Variants in ELOVL3 observed in about 807,000 individuals in gnomAD.
ELOVL3 encodes the protein ELOVL fatty acid elongase 3.
ELOVL3 carries 11 observed loss-of-function variants against 14.9 expected under a neutral mutation model. That is an observed-to-expected ratio of 0.74 (90% CI 0.46 to 1.22). ELOVL3 has a LOEUF of 1.22. Among genes scored for constraint, ELOVL3 ranks in the 50% most tolerant of loss-of-function variants. The probability of loss-of-function intolerance (pLI) is 0.00; values close to 1 mark genes in which losing one functional copy is unlikely to be tolerated. For missense variants in ELOVL3, 277 were observed against 338.9 expected (o/e 0.82, Z 1.43); for synonymous variants, 117 against 124.7 (o/e 0.94, Z 0.41).
In ELOVL3 at chr10:102,226,397, A is replaced by C; in HGVS notation, c.-152A>C. 1 of 590,234 alleles carries C rather than the reference A, an allele frequency of 1.7e-6. No homozygotes were observed. The highest frequency in any genetic ancestry group is 3.0e-6 in the Non-Finnish European group (1 of 332,160). 36.6% of individuals were successfully genotyped at this position (590,234 alleles called of 1,614,324 possible). A position where few individuals can be genotyped will look rare whatever the true frequency, so the allele number is the denominator to read the frequency against. ...GGGATAGCTGGCTGCGCCGCCGCGCACATGCCTAGGTTCGACGCCCTCCTC... is the reference window on the plus strand; with the variant it reads ...GGGATAGCTGGCTGCGCCGCCGCGCCCATGCCTAGGTTCGACGCCCTCCTC... On this transcript the variant is annotated 5_prime_UTR_variant, in exon 1 of 4. Transcript: ENST00000370005.
rs1564990112 is a variant in ELOVL3, at chr10:102,228,856, G to A, written c.417G>A (p.Arg139=). 2 of 1,613,352 alleles carry A rather than the reference G, an allele frequency of 1.2e-6. No homozygotes were observed. The highest frequency in any genetic ancestry group is 1.7e-5 in the Admixed American group (1 of 59,980). ...GDTAFIILRK[R]PLIFIHWYHH... is the part of the protein sequence containing the mutation. ...CAGCCTTCATCATCCTGCGTAAGCGGCCACTCATCTTTATTCACTGGTACC... is the reference window on the plus strand; with the variant it reads ...CAGCCTTCATCATCCTGCGTAAGCGACCACTCATCTTTATTCACTGGTACC... Residue 139 remains arginine, a synonymous_variant, in exon 4 of 4, where the codon CGG becomes CGA. Coordinates refer to ENST00000370005, the MANE Select transcript of ELOVL3 (RefSeq NM_152310.3).
At position 102,229,433 on chromosome 10, in the gene ELOVL3, T is replaced by C. The variant is rs982540840; in HGVS notation, c.*181T>C. On this transcript the variant is annotated 3_prime_UTR_variant, in exon 4 of 4. Coordinates refer to ENST00000370005, the MANE Select transcript of ELOVL3 (RefSeq NM_152310.3). ...GGGTGACCTTGGGATGGGGGTGTGG[T>C]CTGTTACTTTAATGTTTCTGTTTTT... is the stretch of plus-strand genomic sequence containing the variant. 5 of 609,414 alleles carry C rather than the reference T, an allele frequency of 8.2e-6. No individual in the cohort carries two copies. In the East Asian group the frequency reaches 1.4e-4, roughly 17 times the overall value. The allele number at this position is 609,414 out of a possible 1,614,324, so 37.8% of individuals were successfully genotyped here.
At chr10:102,225,940 G>C (rs1000237780), upstream of ELOVL3, among the ~76,000 whole-genome samples, 3 of 151,974 alleles carry the variant, frequency 2.0e-5, no homozygotes, top group Non-Finnish European at 4.4e-5. Flanking sequence ...ACAGGCCTGG[G>C]TTTCCCAGGA....
intron 1 of ELOVL3, 63 bp from the exon 2 acceptor site, chr10:102,227,563 G>A (rs2133790436): frequency 6.4e-7 from 1 of 1,559,186 alleles, no homozygotes; most frequent in Non-Finnish European, 8.7e-7. Context: ...CTGGAGAGAT[G>A]AGTGGGCATT....
rs2070136317 is a variant in ELOVL3 at position 102,226,433 on chromosome 10, G to A, written c.-116G>A. The A allele has an allele frequency of 2.9e-6, 2 of 685,668 alleles. No homozygotes were observed. The highest frequency in any genetic ancestry group is 1.8e-5 in the South Asian group (1 of 54,280). The allele number at this position is 685,668 out of a possible 1,614,324, so 42.5% of individuals were successfully genotyped here. On this transcript the variant is annotated 5_prime_UTR_variant, in exon 1 of 4. Coordinates refer to ENST00000370005, the MANE Select transcript of ELOVL3 (RefSeq NM_152310.3). ...TTCGACGCCCTCCTCCCTTTGCCCAGGAGTTCCTTCTGTCCCGGCTCTGTT... is the reference window on the plus strand; with the variant it reads ...TTCGACGCCCTCCTCCCTTTGCCCAAGAGTTCCTTCTGTCCCGGCTCTGTT...
rs758543680 is a variant in ELOVL3, at chr10:102,229,085, G to A, written c.646G>A (p.Val216Ile). 5.6e-6 allele frequency: 9 copies of A among 1,614,156 alleles called. No homozygotes were observed. The highest frequency in any genetic ancestry group is 2.2e-5 in the East Asian group (1 of 44,886). The change falls in exon 4 of 4, where the codon GTC becomes ATC. Residue 216 changes from valine to isoleucine, a missense_variant. Physicochemically the swap from Val to Ile is conservative, Grantham distance 29. Transcript: ENST00000370005. ...CTTGCAGATGTTTGTAGGAGCCATC[G>A]TCAGCATCCTCACGTACATCTGGAG... The part of the protein sequence containing the change: ...QILQMFVGAI[V>I]SILTYIWRQD...
chr10:102,226,638 CG>C lies in ELOVL3; in HGVS notation c.91del (p.Glu31ArgfsTer10), dbSNP rs1564989264. ...TGTCCAAGGACATGAGGCCCTTTTT[CG>C]AGGAGTATTGGTGAGACTTTGGGAG... Reference protein sequence around the residue: ...ELSKDMRPFFEEYWATSFPIA... With the variant: ...ELSKDMRPFFXEYWATSFPIA... On this transcript the variant is annotated frameshift_variant, in exon 1 of 4. Coordinates refer to ENST00000370005, the MANE Select transcript of ELOVL3 (RefSeq NM_152310.3). LOFTEE classifies it high-confidence loss of function. 1 of 1,613,526 alleles carries C rather than the reference CG, an allele frequency of 6.2e-7. No individual in the cohort carries two copies. The highest frequency in any genetic ancestry group is 1.3e-5 in the African/African-American group (1 of 74,882).
upstream of ELOVL3, among the ~76,000 whole-genome samples, chr10:102,225,173 A>G (rs1485773784): frequency 1.3e-5 from 2 of 152,232 alleles, no homozygotes; most frequent in East Asian, 3.8e-4. Context: ...AGAAAGAGGC[A>G]GTGCAACCAG....
intron 2 of ELOVL3, among the ~76,000 whole-genome samples, chr10:102,228,128 A>G (rs1327641770): frequency 1.3e-5 from 2 of 151,750 alleles, no homozygotes; most frequent in African/African-American, 4.8e-5. Flanking sequence ...CTATCCCTCT[A>G]CACATCTCCT....
Position 102,228,397 on chromosome 10 carries a change from C to T in ELOVL3, c.234-20C>T, listed in dbSNP as rs368687591. 1.2e-4 allele frequency: 191 copies of T among 1,611,344 alleles called. No individual in the cohort carries two copies. Among genetic ancestry groups the T allele is most frequent in the Non-Finnish European group, 1.4e-4 (167 of 1,178,208 alleles). On this transcript the variant is annotated intron_variant, in intron 2 of 3. Coordinates refer to ENST00000370005, the MANE Select transcript of ELOVL3 (RefSeq NM_152310.3). ...TGCCTGGGGATGACACTTACACCAT[C>T]TTCCTTTGTCCCATTTCAGTATCCT...
In ELOVL3 at chr10:102,227,610, G is replaced by T. The variant is rs773476724; in HGVS notation, c.102-16G>T. ...CACCCACCCATGAGCCCATCCCTCT[G>T]CCTTCTGCTTGCCAGGGCAACCTCA... On this transcript the variant is annotated splice_polypyrimidine_tract_variant and intron_variant, in intron 1 of 3. Transcript: ENST00000370005. The T allele has an allele frequency of 6.2e-7, 1 of 1,609,272 alleles. No individual in the cohort carries two copies. Among genetic ancestry groups the T allele is most frequent in the Non-Finnish European group, 8.5e-7 (1 of 1,177,228 alleles).
intron 1 of ELOVL3, 138 bp from the exon 2 acceptor site, chr10:102,227,488 T>G: frequency 1.1e-6 from 1 of 939,882 alleles, no homozygotes; most frequent in South Asian, 1.6e-5. Context: ...GAGAATTAAG[T>G]TGGTTTTTCC....
intron 1 of ELOVL3, 28 bp downstream of exon 1, chr10:102,226,677 T>TGCCAGGGCCCCGGG: frequency 6.3e-7 from 1 of 1,575,706 alleles, no homozygotes; most frequent in Non-Finnish European, 8.7e-7. Context: ...GGAAAGGCCA[T>TGCCAGGGCCCCGGG]GCCAGGGCCC....
chr10:102,225,038 G>C (rs1456200147), upstream of ELOVL3, among the ~76,000 whole-genome samples: 1 of 152,196 alleles, frequency 6.6e-6, no homozygotes, highest in East Asian at 1.9e-4. Flanking sequence ...GGTTTTCCAA[G>C]TACAGTCTGA....
chr10:102,225,552 C>A (rs1398712272), upstream of ELOVL3, among the ~76,000 whole-genome samples: 2 of 152,042 alleles, frequency 1.3e-5, no homozygotes, highest in Non-Finnish European at 2.9e-5. Flanking sequence ...TTCTTTGGGG[C>A]TGGTTACACA....
chr10:102,228,278 A>C, intron 2 of ELOVL3, 139 bp from the exon 3 acceptor site: 1 of 781,322 alleles, frequency 1.3e-6, no homozygotes, highest in Non-Finnish European at 2.0e-6. Context: ...TCAGGATCTC[A>C]GGAGCTTTGA....
intron 1 of ELOVL3, 130 bp downstream of exon 1, chr10:102,226,779 T>G: frequency 1.6e-6 from 1 of 633,440 alleles, no homozygotes; most frequent in Non-Finnish European, 2.8e-6. Context: ...GGCTTCACAC[T>G]ACCTTTGTCC....
chr10:102,226,537 C>A lies in ELOVL3; in HGVS notation c.-12C>A, dbSNP rs1283499901. On this transcript the variant is annotated 5_prime_UTR_variant, in exon 1 of 4. In the 5' UTR this introduces an upstream ATG that the reference lacks. Transcript: ENST00000370005. ...GCCTCCAAGCTTTGGACCTTGACTT[C>A]TGCAAAACTAGATGGTCACAGCCAT... is the stretch of plus-strand genomic sequence containing the variant. 1.2e-6 allele frequency: 2 copies of A among 1,609,602 alleles called. No individual in the cohort carries two copies. The highest frequency in any genetic ancestry group is 2.7e-5 in the African/African-American group (2 of 74,824).
intron 1 of ELOVL3, among the ~76,000 whole-genome samples, chr10:102,227,239 G>A (rs2070143159): frequency 6.6e-6 from 1 of 152,046 alleles, no homozygotes; most frequent in African/African-American, 2.4e-5. Context: ...CCACAGCCCT[G>A]GTATGCTTCT....
Sources: allele counts gnomAD v4.1 joint callset (sites outside exome capture counted in the v4.1 genomes callset), GRCh38; gene constraint gnomAD v4.1.1; transcripts MANE v1.5; gene names NCBI Gene and HGNC (gene_info 2026-07-23, HGNC 2026-07-21).